ANKRD11: variants seen among roughly 807,000 people sequenced by gnomAD.
The protein encoded by ANKRD11 is ankyrin repeat domain 11.
Under a neutral mutation model 195.7 loss-of-function variants are expected in ANKRD11, and 17 were observed. The observed-to-expected ratio is 0.09, with a 90% confidence interval of 0.06 to 0.13. The LOEUF (loss-of-function observed/expected upper bound fraction) is 0.13. Ranked by LOEUF, ANKRD11 falls within the 10% of genes least tolerant of loss-of-function variation. The pLI is 1.00. For missense variants in ANKRD11, 3,735 were observed against 3,566.1 expected (o/e 1.05, Z -1.21); for synonymous variants, 1,953 against 1,528.1 (o/e 1.28, Z -6.49).
intron 2 of ANKRD11, among the ~76,000 whole-genome samples, chr16:89,331,352 T>C (rs541209665): frequency 1.3e-5 from 2 of 152,332 alleles, no homozygotes; most frequent in Admixed American, 6.5e-5. Flanking sequence ...TCACATCATA[T>C]ATCTCATGGA....
chr16:89,285,749 TC>T lies in ANKRD11; in HGVS notation c.893-101del. The stretch of plus-strand genomic sequence containing the variant: ...TCTGCAGATGTGTCTGCGGGAAGGT[TC>T]CCACCCTGCCTCTGCAGAGACACTT... On this transcript the variant is annotated intron_variant, in intron 8 of 12. Transcript: ENST00000301030. The surrounding 1 kb of genome is among the most constrained non-coding windows in gnomAD (Gnocchi z 5.6). 7.4e-7 allele frequency: 1 copy of T among 1,354,072 alleles called. No homozygotes were observed. Among genetic ancestry groups the T allele is most frequent in the Non-Finnish European group, 1.0e-6 (1 of 954,332 alleles). 83.9% of individuals were successfully genotyped at this position (1,354,072 alleles called of 1,614,324 possible).
At chr16:89,312,388 G>A (rs1380258651) in intron 3 of ANKRD11, among the ~76,000 whole-genome samples, 1 of 152,246 alleles carries the variant, frequency 6.6e-6, no homozygotes, top group African/African-American at 2.4e-5. Context: ...ATCACGCAGG[G>A]GAGGGGCGGG....
intron 2 of ANKRD11, among the ~76,000 whole-genome samples, chr16:89,369,071 C>T (rs2040077960): frequency 1.3e-5 from 2 of 152,150 alleles, no homozygotes; most frequent in South Asian, 4.1e-4. Flanking sequence ...AGCAAGCCCA[C>T]AGCTGCCCTA....
chr16:89,452,883 T>C (rs545155968), intron 1 of ANKRD11, among the ~76,000 whole-genome samples: 4 of 152,272 alleles, frequency 2.6e-5, no homozygotes, highest in Admixed American at 6.5e-5. Flanking sequence ...CATGGTCTTC[T>C]TGAAAGAAAC....
intron 2 of ANKRD11, among the ~76,000 whole-genome samples, chr16:89,368,382 T>G (rs865933232): frequency 0.016 from 2,118 of 131,444 alleles, 51 homozygotes; most frequent in African/African-American, 0.06. Flanking sequence ...TTTTTTTTTT[T>G]TTTTTTTTTT....
chr16:89,299,650 G>A (rs1300110591), intron 4 of ANKRD11: 4 of 148,840 alleles, frequency 2.7e-5, no homozygotes, highest in African/African-American at 3.9e-5. Flanking sequence ...TGTGTGAGGT[G>A]CCTGCCCTGT....
At position 89,490,454 on chromosome 16, in the gene ANKRD11, G is replaced by C. The variant is rs1285707204; in HGVS notation, c.-354C>G. 5.3e-6 allele frequency: 2 copies of C among 374,958 alleles called. No individual in the cohort carries two copies. Among genetic ancestry groups the C allele is most frequent in the Non-Finnish European group, 9.5e-6 (2 of 210,122 alleles). 23.2% of individuals were successfully genotyped at this position (374,958 alleles called of 1,614,324 possible). On this transcript the variant is annotated 5_prime_UTR_variant, in exon 1 of 13. Transcript: ENST00000301030. ...CGCCCACGGCTCGGGCGAGAGCCGC[G>C]GCTCCCGGTGCGGACGCTACTGATG...
intron 6 of ANKRD11, among the ~76,000 whole-genome samples, chr16:89,290,070 T>C (rs1335624663): frequency 1.3e-5 from 2 of 152,216 alleles, no homozygotes; most frequent in Non-Finnish European, 2.9e-5. Flanking sequence ...CAAGTTTACT[T>C]TGAAATACTT....
intron 2 of ANKRD11, among the ~76,000 whole-genome samples, chr16:89,391,490 A>G (rs564642323): frequency 1.3e-5 from 2 of 152,338 alleles, no homozygotes; most frequent in Admixed American, 1.3e-4. Flanking sequence ...CTGGGCAGAA[A>G]GCCCACACAA....
intron 2 of ANKRD11, among the ~76,000 whole-genome samples, chr16:89,347,569 C>CCA (rs1597732231): frequency 6.6e-6 from 1 of 150,560 alleles, no homozygotes; most frequent in East Asian, 2.0e-4. Context: ...CAAGATCACG[C>CCA]CACTGCATTC....
chr16:89,441,555 C>G (rs2043474261), intron 1 of ANKRD11, among the ~76,000 whole-genome samples: 1 of 151,996 alleles, frequency 6.6e-6, no homozygotes, highest in Non-Finnish European at 1.5e-5. Context: ...ATCACGAGGT[C>G]AGCAGATGGA....
Position 89,280,087 on chromosome 16 carries a change from TCAC to T in ANKRD11, c.6452_6454del (p.Gly2151del). On this transcript the variant is annotated inframe_deletion, in exon 9 of 13. Coordinates refer to ENST00000301030, the MANE Select transcript of ANKRD11 (RefSeq NM_013275.6). ...AAGACTTTCTTCCACGGGTTCCGCT[TCAC>T]CATCTGCGGCATCTTTAGTCTGCAG... 6.2e-7 allele frequency: 1 copy of T among 1,613,138 alleles called. No individual in the cohort carries two copies. Among genetic ancestry groups the T allele is most frequent in the Non-Finnish European group, 8.5e-7 (1 of 1,179,912 alleles).
chr16:89,314,176 T>C (rs1475237793), intron 3 of ANKRD11, among the ~76,000 whole-genome samples: 1 of 152,010 alleles, frequency 6.6e-6, no homozygotes, highest in East Asian at 1.9e-4. Flanking sequence ...TGGGGGGTTA[T>C]GGAGGGTGCA....
chr16:89,432,946 CTCTCTCT>C, intron 1 of ANKRD11, among the ~76,000 whole-genome samples: 1 of 16,046 alleles, frequency 6.2e-5, no homozygotes, highest in Non-Finnish European at 1.6e-4. Context: ...GAGACCCTAT[CTCTCTCT>C]CTCTCTCTCT....
intron 2 of ANKRD11, among the ~76,000 whole-genome samples, chr16:89,417,476 G>A (rs192121925): frequency 6.6e-6 from 1 of 152,274 alleles, no homozygotes; most frequent in Admixed American, 6.5e-5. Flanking sequence ...ACACGTGCTT[G>A]CTCAGAGCCA....
chr16:89,397,352 G>A (rs758345051), intron 2 of ANKRD11, among the ~76,000 whole-genome samples: 1 of 152,342 alleles, frequency 6.6e-6, no homozygotes, highest in East Asian at 1.9e-4. Context: ...CTGTCAACTG[G>A]ATGCGCATTT....
At chr16:89,453,556 G>C (rs768022170) in intron 1 of ANKRD11, among the ~76,000 whole-genome samples, 1 of 152,168 alleles carries the variant, frequency 6.6e-6, no homozygotes, top group Admixed American at 6.5e-5. Context: ...CTTGCCAGCT[G>C]ACCATCACTT....
intron 1 of ANKRD11, among the ~76,000 whole-genome samples, chr16:89,430,036 G>A (rs1332180809): frequency 3.1e-5 from 4 of 129,450 alleles, no homozygotes; most frequent in South Asian, 2.7e-4. Flanking sequence ...ACGCTCAGTC[G>A]TTCTAGTACA....
At chr16:89,406,284 C>A (rs1319647212) in intron 2 of ANKRD11, among the ~76,000 whole-genome samples, 1 of 152,172 alleles carries the variant, frequency 6.6e-6, no homozygotes, top group East Asian at 1.9e-4. Context: ...ACAGACATGT[C>A]TCAGGCCAAC....
Sources: gnomAD v4.1 joint callset for allele counts (sites outside exome capture counted in the v4.1 genomes callset) on GRCh38, gnomAD v4.1.1 for gene constraint, Gnocchi (gnomAD v3.1) non-coding constraint, MANE v1.5 for transcripts, NCBI Gene and HGNC (gene_info 2026-07-23, HGNC 2026-07-21) for gene names.